The following EXOC6B variants were observed in gnomAD, a reference collection of about 807,000 sequenced individuals.
The protein encoded by EXOC6B is exocyst complex component 6B.
Under a neutral mutation model 113.5 loss-of-function variants are expected in EXOC6B, and 54 were observed. The ratio of observed to expected loss-of-function variants is 0.48; its 90% confidence interval spans 0.38 to 0.60. The LOEUF is 0.60. EXOC6B is among the 20% of genes least tolerant of loss of function. The probability of loss-of-function intolerance (pLI) is 0.00; values close to 1 mark genes in which losing one functional copy is unlikely to be tolerated. For synonymous variants in EXOC6B, 357 were observed against 339.0 expected, an observed-to-expected ratio of 1.05 and a Z score of -0.58; for missense variants, 797 against 977.5, an observed-to-expected ratio of 0.82 and a Z score of 2.46.
intron 20 of EXOC6B, among the ~76,000 whole-genome samples, chr2:72,200,431 C>T (rs1408206199): frequency 1.3e-5 from 2 of 152,142 alleles, no homozygotes; most frequent in East Asian, 3.8e-4. Context: ...CAAAGCTGGT[C>T]TCAAACTTTT....
chr2:72,568,406 T>G (rs908495318), intron 7 of EXOC6B, among the ~76,000 whole-genome samples: 1 of 151,998 alleles, frequency 6.6e-6, no homozygotes, highest in African/African-American at 2.4e-5. Flanking sequence ...ATCACTGTAT[T>G]ATACTTATGT....
chr2:72,286,628 C>T (rs1685442126), intron 20 of EXOC6B, among the ~76,000 whole-genome samples: 1 of 152,046 alleles, frequency 6.6e-6, no homozygotes, highest in Admixed American at 6.6e-5. Flanking sequence ...AGAGTGAGCC[C>T]TCATGCAAAT....
At chr2:72,541,421 T>C (rs941150170) in intron 8 of EXOC6B, among the ~76,000 whole-genome samples, 5 of 152,196 alleles carry the variant, frequency 3.3e-5, no homozygotes, top group African/African-American at 1.2e-4. Flanking sequence ...CCTCCCTTTC[T>C]TCCTTCCTTC....
chr2:72,332,867 G>A (rs1688487191), intron 20 of EXOC6B, among the ~76,000 whole-genome samples: 1 of 152,074 alleles, frequency 6.6e-6, no homozygotes, highest in South Asian at 2.1e-4. Flanking sequence ...AATAAGTTCT[G>A]AGAATGACTA....
intron 18 of EXOC6B, among the ~76,000 whole-genome samples, chr2:72,399,275 A>G (rs888767439): frequency 2.6e-5 from 4 of 152,160 alleles, no homozygotes; most frequent in Admixed American, 2.0e-4. Flanking sequence ...TAAAAGCAAT[A>G]TACAACAAAC....
intron 18 of EXOC6B, among the ~76,000 whole-genome samples, chr2:72,421,986 G>T (rs1694903763): frequency 6.6e-6 from 1 of 152,248 alleles, no homozygotes; most frequent in Non-Finnish European, 1.5e-5. Flanking sequence ...TGGCTGCGGA[G>T]GGTGTACTGG....
chr2:72,592,277 G>A (rs1706018349), intron 6 of EXOC6B, among the ~76,000 whole-genome samples: 1 of 152,170 alleles, frequency 6.6e-6, no homozygotes, highest in Non-Finnish European at 1.5e-5. Flanking sequence ...GCCAATATTG[G>A]AGGGGTGACA....
intron 20 of EXOC6B, among the ~76,000 whole-genome samples, chr2:72,313,160 T>G (rs960115060): frequency 6.6e-6 from 1 of 151,726 alleles, no homozygotes; most frequent in Non-Finnish European, 1.5e-5. Context: ...GGGTAACACA[T>G]GGATACACAG....
chr2:72,736,914 C>T (rs982856050), intron 2 of EXOC6B, among the ~76,000 whole-genome samples: 2 of 151,282 alleles, frequency 1.3e-5, no homozygotes, highest in Non-Finnish European at 2.9e-5. Flanking sequence ...ATTCACAGGT[C>T]CTGGCAGGAA....
Position 72,176,392 on chromosome 2 carries a change from C to T in EXOC6B, c.*2943G>A, listed in dbSNP as rs1266595974. ...AGTTCCTAGAGAGTGTGCTCAGAGG[C>T]CTGATGAGGAAGGTCATGGCCAAAG... is the stretch of plus-strand genomic sequence containing the variant. On this transcript the variant is annotated 3_prime_UTR_variant, in exon 22 of 22. Coordinates refer to ENST00000272427, the MANE Select transcript of EXOC6B (RefSeq NM_015189.3). 1 of 152,182 alleles carries T rather than the reference C, an allele frequency of 6.6e-6. No homozygotes were observed. Among genetic ancestry groups the T allele is most frequent in the East Asian group, 1.9e-4 (1 of 5,194 alleles). 9.4% of individuals were successfully genotyped at this position (152,182 alleles called of 1,614,324 possible).
intron 1 of EXOC6B, among the ~76,000 whole-genome samples, chr2:72,808,622 TTAA>T (rs2105115188): frequency 6.6e-6 from 1 of 152,148 alleles, no homozygotes; most frequent in East Asian, 1.9e-4. Flanking sequence ...AATTAATTAA[TTAA>T]TTTTTTAAAA....
At chr2:72,282,045 G>A (rs1258510038) in intron 20 of EXOC6B, among the ~76,000 whole-genome samples, 1 of 152,052 alleles carries the variant, frequency 6.6e-6, no homozygotes, top group Admixed American at 6.6e-5. Flanking sequence ...CAAGGAAAAT[G>A]TTCTTCAATA....
At chr2:72,444,855 C>A (rs1696469100) in intron 18 of EXOC6B, among the ~76,000 whole-genome samples, 2 of 152,332 alleles carry the variant, frequency 1.3e-5, no homozygotes, top group Admixed American at 6.5e-5. Context: ...ATGGGAGGGG[C>A]TGCCATGAAA....
intron 20 of EXOC6B, among the ~76,000 whole-genome samples, chr2:72,256,651 T>G (rs1187472661): frequency 6.6e-6 from 1 of 152,134 alleles, no homozygotes; most frequent in African/African-American, 2.4e-5. Flanking sequence ...GAGACTTACT[T>G]ACAACTATAG....
Position 72,228,176 on chromosome 2 carries a change from G to C in EXOC6B, c.2197-43989C>G, listed in dbSNP as rs533992245. Among the ~76,000 whole-genome samples, 12 of 152,294 alleles carry C rather than the reference G, an allele frequency of 7.9e-5. No homozygotes were observed. In the East Asian group the frequency reaches 2.1e-3, roughly 27 times the overall value. ...GTATGGGGCTGATGAGGTATGGTAG[G>C]ACATGGAGTTGACATCACTTGATAA... On this transcript the variant is annotated intron_variant, in intron 20 of 21. Transcript: ENST00000272427.
intron 19 of EXOC6B, among the ~76,000 whole-genome samples, chr2:72,335,633 G>A (rs1688653490): frequency 6.7e-6 from 1 of 148,624 alleles, no homozygotes; most frequent in Non-Finnish European, 1.5e-5. Context: ...TCCATGACTT[G>A]GCTTTTGAGC....
intron 1 of EXOC6B, among the ~76,000 whole-genome samples, chr2:72,804,945 G>C (rs1322904732): frequency 6.6e-6 from 1 of 152,106 alleles, no homozygotes; most frequent in Non-Finnish European, 1.5e-5. Context: ...CTCCATACAT[G>C]ATTGCCCTTA....
chr2:72,401,321 G>A (rs1023893467), intron 18 of EXOC6B, among the ~76,000 whole-genome samples: 1 of 149,276 alleles, frequency 6.7e-6, no homozygotes, highest in African/African-American at 2.4e-5. Flanking sequence ...AATTAGGCAG[G>A]TGTGGTGGTG....
intron 1 of EXOC6B, among the ~76,000 whole-genome samples, chr2:72,802,513 T>C (rs1685343112): frequency 6.6e-6 from 1 of 152,160 alleles, no homozygotes; most frequent in Admixed American, 6.6e-5. Context: ...TATAAATGTA[T>C]ATAAATGCAT....
Sources: gnomAD v4.1 joint callset for allele counts (sites outside exome capture counted in the v4.1 genomes callset) on GRCh38, gnomAD v4.1.1 for gene constraint, MANE v1.5 for transcripts, NCBI Gene and HGNC (gene_info 2026-07-23, HGNC 2026-07-21) for gene names.